ABCC1: variants seen among roughly 807,000 people sequenced by gnomAD.
ABCC1 encodes the protein multidrug resistance-associated protein 1.
ABCC1 carries 83 observed loss-of-function variants against 172.9 expected under a neutral mutation model. The ratio of observed to expected loss-of-function variants is 0.48; its 90% CI spans 0.40 to 0.58. The LOEUF (loss-of-function observed/expected upper bound fraction) is 0.58. Ranked by LOEUF, ABCC1 falls within the 20% of genes least tolerant of loss-of-function variation. The pLI is 0.00. For synonymous variants in ABCC1, 937 were observed against 825.2 expected, an observed-to-expected ratio of 1.14 and a Z score of -2.32; for missense variants, 1,817 against 2,002.7, an observed-to-expected ratio of 0.91 and a Z score of 1.77.
intron 19 of ABCC1, among the ~76,000 whole-genome samples, chr16:16,092,870 TC>T (rs1461288124): frequency 2.6e-5 from 4 of 152,112 alleles, no homozygotes; most frequent in Non-Finnish European, 5.9e-5. Context: ...ACACCTGTAG[TC>T]CCGGCTATTC....
intron 13 of ABCC1, among the ~76,000 whole-genome samples, chr16:16,068,903 C>T (rs1414815392): frequency 6.6e-6 from 1 of 151,312 alleles, no homozygotes; most frequent in African/African-American, 2.4e-5. Context: ...AGGAGAATTG[C>T]TTGAGCCCAG....
chr16:16,110,721 G>T (rs2052348092), intron 21 of ABCC1, among the ~76,000 whole-genome samples: 1 of 152,160 alleles, frequency 6.6e-6, no homozygotes, highest in Non-Finnish European at 1.5e-5. Context: ...CTTCCTCGAA[G>T]AAAACCTCCC....
intron 26 of ABCC1, 25 bp downstream of exon 26, chr16:16,125,936 C>T: frequency 1.3e-6 from 2 of 1,584,794 alleles, no homozygotes; most frequent in Non-Finnish European, 1.7e-6. Flanking sequence ...CTGGCTGGAC[C>T]TCTTGGTCTT....
At chr16:16,119,548 A>G (rs2045058660) in intron 23 of ABCC1, among the ~76,000 whole-genome samples, 1 of 152,070 alleles carries the variant, frequency 6.6e-6, no homozygotes, top group African/African-American at 2.4e-5. Flanking sequence ...AAAATTAGCC[A>G]GGCACGGTGG....
intron 22 of ABCC1, 63 bp downstream of exon 22, chr16:16,111,645 A>G: frequency 6.9e-7 from 1 of 1,447,622 alleles, no homozygotes; most frequent in South Asian, 1.2e-5. Flanking sequence ...GTCTAATTAT[A>G]GAAATGGATC....
intron 5 of ABCC1, among the ~76,000 whole-genome samples, chr16:16,031,762 G>T (rs866871588): frequency 5.3e-5 from 8 of 152,192 alleles, no homozygotes; most frequent in South Asian, 2.1e-4. Context: ...TCGTACACCA[G>T]ATCAGCCCCC....
At chr16:16,022,866 G>A (rs574020462) in intron 5 of ABCC1, among the ~76,000 whole-genome samples, 1 of 152,246 alleles carries the variant, frequency 6.6e-6, no homozygotes, top group African/African-American at 2.4e-5. Context: ...TCACATATCT[G>A]TCTGTCTAAC....
intron 5 of ABCC1, among the ~76,000 whole-genome samples, chr16:16,021,756 A>T (rs77670406): frequency 6.6e-6 from 1 of 152,072 alleles, no homozygotes; most frequent in Non-Finnish European, 1.5e-5. Context: ...TAACCACATA[A>T]CTACCTAGCA....
chr16:15,951,402 A>G (rs541092707), intron 1 of ABCC1, among the ~76,000 whole-genome samples: 3 of 151,934 alleles, frequency 2.0e-5, no homozygotes, highest in Non-Finnish European at 2.9e-5. Context: ...TAAAATTTTT[A>G]TTTTCTTTTT....
At chr16:15,952,109 C>T (rs1335062285) in intron 1 of ABCC1, among the ~76,000 whole-genome samples, 1 of 152,218 alleles carries the variant, frequency 6.6e-6, no homozygotes, top group African/African-American at 2.4e-5. Flanking sequence ...CTTTCCTCAT[C>T]TCTAAAATTG....
intron 10 of ABCC1, among the ~76,000 whole-genome samples, chr16:16,051,532 G>A (rs186119783): frequency 1.3e-5 from 2 of 152,258 alleles, no homozygotes; most frequent in East Asian, 1.9e-4. Context: ...ATGGGGCGGT[G>A]TTCAAGAGAA....
chr16:16,124,955 T>G, intron 25 of ABCC1, 40 bp downstream of exon 25: 1 of 1,612,930 alleles, frequency 6.2e-7, no homozygotes, highest in African/African-American at 1.3e-5. Flanking sequence ...TAAAGTCTGT[T>G]AATGGGGGAG....
Position 16,023,234 on chromosome 16 carries a change from C to A in ABCC1, c.615+6613C>A, listed in dbSNP as rs1232927449. 2.0e-5 allele frequency among the ~76,000 whole-genome samples: 3 copies of A among 152,258 alleles called. No homozygotes were observed. In the South Asian group the frequency reaches 6.2e-4, roughly 32 times the overall value. Reference sequence around the variant, plus strand: ...TAGTTTTTTTGATATCTGAAACTTCCTTCGAAATATATTAGTATTCTTTCA... The same window carrying A: ...TAGTTTTTTTGATATCTGAAACTTCATTCGAAATATATTAGTATTCTTTCA... On this transcript the variant is annotated intron_variant, in intron 5 of 30. Coordinates refer to ENST00000399410, the MANE Select transcript of ABCC1 (RefSeq NM_004996.4).
At chr16:15,971,654 A>T (rs2046372732) in intron 1 of ABCC1, among the ~76,000 whole-genome samples, 1 of 152,132 alleles carries the variant, frequency 6.6e-6, no homozygotes, top group South Asian at 2.1e-4. Flanking sequence ...AACAGCAGCT[A>T]GGGCTCCTCC....
chr16:16,099,849 C>T (rs1020928427), intron 19 of ABCC1, among the ~76,000 whole-genome samples: 5 of 152,114 alleles, frequency 3.3e-5, no homozygotes, highest in East Asian at 1.9e-4. Context: ...TCTGGGAGGC[C>T]GAGGTGGGTG....
At chr16:16,096,343 T>A (rs1463306091) in intron 19 of ABCC1, among the ~76,000 whole-genome samples, 1 of 152,222 alleles carries the variant, frequency 6.6e-6, no homozygotes, top group East Asian at 1.9e-4. Flanking sequence ...CCTTCCTTCC[T>A]AGGCCTTCTC....
chr16:16,120,213 G>T (rs796485801), intron 23 of ABCC1, among the ~76,000 whole-genome samples: 5 of 151,814 alleles, frequency 3.3e-5, no homozygotes, highest in Admixed American at 1.3e-4. Flanking sequence ...AGGGCAGGAT[G>T]CAGGGAGGCC....
At chr16:16,115,546 A>C (rs1463751531) in intron 23 of ABCC1, among the ~76,000 whole-genome samples, 1 of 151,872 alleles carries the variant, frequency 6.6e-6, no homozygotes, top group Admixed American at 6.6e-5. Flanking sequence ...GGGTTTCACC[A>C]GTGTTGGCCA....
intron 1 of ABCC1, among the ~76,000 whole-genome samples, chr16:15,956,314 G>A (rs533592615): frequency 2.8e-4 from 42 of 151,802 alleles, no homozygotes; most frequent in African/African-American, 9.2e-4. Flanking sequence ...GCAGTGAGCC[G>A]AGATCGCGCC....
Sources: allele counts gnomAD v4.1 joint callset (sites outside exome capture counted in the v4.1 genomes callset), GRCh38; gene constraint gnomAD v4.1.1; transcripts MANE v1.5; gene names NCBI Gene and HGNC (gene_info 2026-07-23, HGNC 2026-07-21).